The following EGFLAM variants were observed in gnomAD, a reference collection of about 807,000 sequenced individuals.
EGFLAM encodes the protein pikachurin.
EGFLAM carries 79 observed loss-of-function variants against 113.1 expected under a neutral mutation model. That is an observed-to-expected ratio of 0.70 (90% CI 0.58 to 0.84). The LOEUF is 0.84. Among genes scored for constraint, EGFLAM ranks in the 40% least tolerant of loss-of-function variants. The probability of loss-of-function intolerance (pLI) is 0.00; values close to 1 mark genes in which losing one functional copy is unlikely to be tolerated. For missense variants in EGFLAM, 1,265 were observed against 1,291.6 expected (o/e 0.98, Z 0.32); for synonymous variants, 504 against 487.6 (o/e 1.03, Z -0.44).
At chr5:38,313,173 A>G (rs1738501471) in intron 1 of EGFLAM, among the ~76,000 whole-genome samples, 1 of 152,214 alleles carries the variant, frequency 6.6e-6, no homozygotes, top group African/African-American at 2.4e-5. Context: ...AAACACAATT[A>G]ATCTTTTCTG....
At chr5:38,461,857 G>A (rs1452223776) in intron 20 of EGFLAM, among the ~76,000 whole-genome samples, 1 of 152,144 alleles carries the variant, frequency 6.6e-6, no homozygotes, top group East Asian at 1.9e-4. Context: ...AGGGCTCTGT[G>A]GGTCCTTTAG....
At chr5:38,321,744 G>A (rs562164601) in intron 1 of EGFLAM, among the ~76,000 whole-genome samples, 22 of 152,248 alleles carry the variant, frequency 1.4e-4, no homozygotes, top group Non-Finnish European at 2.5e-4. Flanking sequence ...AGAAGAATCC[G>A]TCGTGAGATC....
At chr5:38,405,516 C>T (rs550112286) in intron 6 of EGFLAM, among the ~76,000 whole-genome samples, 1 of 152,248 alleles carries the variant, frequency 6.6e-6, no homozygotes, top group African/African-American at 2.4e-5. Context: ...AATGATGATT[C>T]ATTCCTTTCC....
intron 10 of EGFLAM, 85 bp from the exon 11 acceptor site, chr5:38,412,419 T>G: frequency 6.2e-7 from 1 of 1,600,670 alleles, no homozygotes; most frequent in Non-Finnish European, 8.5e-7. Flanking sequence ...AGGGAGCTGT[T>G]GACCTGGAAG....
chr5:38,461,652 A>G (rs1743277068), intron 20 of EGFLAM, among the ~76,000 whole-genome samples: 1 of 152,176 alleles, frequency 6.6e-6, no homozygotes, highest in African/African-American at 2.4e-5. Flanking sequence ...GAACAAGAGA[A>G]AGTTCTGTAA....
At chr5:38,336,447 T>G (rs183086649) in intron 1 of EGFLAM, among the ~76,000 whole-genome samples, 115 of 151,926 alleles carry the variant, frequency 7.6e-4, no homozygotes, top group African/African-American at 2.7e-3. Flanking sequence ...GGTGGCGAGC[T>G]CCTGTAGTCC....
At chr5:38,266,530 A>C (rs1315644047) in intron 1 of EGFLAM, among the ~76,000 whole-genome samples, 1 of 152,264 alleles carries the variant, frequency 6.6e-6, no homozygotes, top group Admixed American at 6.5e-5. Flanking sequence ...ATTTCCAGGC[A>C]TCAGAAGTAA....
chr5:38,381,954 A>G (rs1740521855), intron 6 of EGFLAM, among the ~76,000 whole-genome samples: 1 of 152,244 alleles, frequency 6.6e-6, no homozygotes. Context: ...TCAGAGAAGA[A>G]CAAGAAGGTC....
rs1740857773 is a variant in EGFLAM, at chr5:38,393,027, C to T, written c.713-13099C>T. Among the ~76,000 whole-genome samples, 7 of 152,240 alleles carry T rather than the reference C, an allele frequency of 4.6e-5. No homozygotes were observed. The South Asian group carries it at 6.2e-4, about 14-fold the overall frequency. Reference sequence around the variant, plus strand: ...TGCTGGGATTACAAGCGTGAGCCACCGCACCTGGCCCACAATGCCTTTTCT... The same window carrying T: ...TGCTGGGATTACAAGCGTGAGCCACTGCACCTGGCCCACAATGCCTTTTCT... On this transcript the variant is annotated intron_variant, in intron 6 of 21. Coordinates refer to ENST00000322350, the MANE Select transcript of EGFLAM (RefSeq NM_152403.4).
chr5:38,448,510 G>C (rs1487817281), intron 18 of EGFLAM, 131 bp downstream of exon 18: 2 of 855,462 alleles, frequency 2.3e-6, no homozygotes, highest in African/African-American at 3.4e-5. Flanking sequence ...ATGGCCTCAG[G>C]GGAAAAACAC....
intron 6 of EGFLAM, among the ~76,000 whole-genome samples, chr5:38,402,401 C>T (rs1392859225): frequency 6.6e-6 from 1 of 152,108 alleles, no homozygotes; most frequent in African/African-American, 2.4e-5. Context: ...GAAGTAATAA[C>T]ACCAATTTTA....
chr5:38,378,219 C>A (rs2112053739), intron 6 of EGFLAM, among the ~76,000 whole-genome samples: 1 of 152,222 alleles, frequency 6.6e-6, no homozygotes, highest in Non-Finnish European at 1.5e-5. Flanking sequence ...TTCTCTACAC[C>A]TTCCTGCTTG....
chr5:38,343,032 G>A (rs1415646790), intron 3 of EGFLAM, among the ~76,000 whole-genome samples: 1 of 152,140 alleles, frequency 6.6e-6, no homozygotes, highest in East Asian at 1.9e-4. Flanking sequence ...CAGAAGACGT[G>A]TTCCTGCTCT....
chr5:38,282,413 A>T (rs556532934), intron 1 of EGFLAM: 1 of 152,364 alleles, frequency 6.6e-6, no homozygotes, highest in East Asian at 1.9e-4. Flanking sequence ...AGAACATGGT[A>T]TAGAACAAGC....
intron 6 of EGFLAM, chr5:38,401,065 A>T (rs1387218057): frequency 6.6e-6 from 1 of 152,228 alleles, no homozygotes; most frequent in East Asian, 1.9e-4. Flanking sequence ...GAGACCAAAG[A>T]ACATTATCCA....
chr5:38,323,570 C>T (rs974224549), intron 1 of EGFLAM, among the ~76,000 whole-genome samples: 7 of 151,994 alleles, frequency 4.6e-5, no homozygotes, highest in African/African-American at 1.2e-4. Flanking sequence ...CATTTGTAAC[C>T]GTTATTGGTG....
intron 12 of EGFLAM, among the ~76,000 whole-genome samples, chr5:38,424,544 C>T (rs1425042804): frequency 6.6e-6 from 1 of 152,178 alleles, no homozygotes; most frequent in South Asian, 2.1e-4. Context: ...GGCAGCAGCA[C>T]TTAAGCTAAT....
chr5:38,409,750 C>T (rs1346011791), intron 10 of EGFLAM, among the ~76,000 whole-genome samples: 1 of 152,200 alleles, frequency 6.6e-6, no homozygotes. Context: ...ATGGGCTTAC[C>T]ATCCTCATCT....
In EGFLAM at chr5:38,308,127, A is replaced by G. The variant is rs185702617; in HGVS notation, c.98-29393A>G. On this transcript the variant is annotated intron_variant, in intron 1 of 21. Coordinates refer to ENST00000322350, the MANE Select transcript of EGFLAM (RefSeq NM_152403.4). ...ACTTCTTCCTCTACGTGCTTTTTAA[A>G]TAGTCCCTTTCAAAACCTCTCCCCT... 2.0e-5 allele frequency among the ~76,000 whole-genome samples: 3 copies of G among 152,384 alleles called. No homozygotes were observed. The East Asian group carries it at 5.8e-4, about 29-fold the overall frequency.
Sources: allele counts gnomAD v4.1 joint callset (sites outside exome capture counted in the v4.1 genomes callset), GRCh38; gene constraint gnomAD v4.1.1; transcripts MANE v1.5; gene names NCBI Gene and HGNC (gene_info 2026-07-23, HGNC 2026-07-21).